Variants in LPP observed in about 807,000 individuals in gnomAD.
LPP encodes the protein lipoma-preferred partner.
In LPP, 38 loss-of-function variants were observed where a neutral mutation model predicts 60.4. The ratio of observed to expected loss-of-function variants is 0.63; its 90% confidence interval spans 0.49 to 0.83. The LOEUF (loss-of-function observed/expected upper bound fraction) is 0.83, where lower values mean the gene tolerates loss of function less well. Among genes scored for constraint, LPP ranks in the 40% least tolerant of loss-of-function variants. LPP has a pLI of 0.00. For missense variants in LPP, 902 were observed against 783.6 expected (o/e 1.15, Z -1.80); for synonymous variants, 328 against 290.8 (o/e 1.13, Z -1.30).
chr3:188,166,053 A>G (rs1719845207), intron 1 of LPP, among the ~76,000 whole-genome samples: 1 of 152,138 alleles, frequency 6.6e-6, no homozygotes, highest in South Asian at 2.1e-4. Context: ...CTGAATCTCT[A>G]ATTGCTGGAG....
At chr3:188,448,732 AGTCCTCTC>A (rs1795916031) in intron 4 of LPP, among the ~76,000 whole-genome samples, 1 of 152,198 alleles carries the variant, frequency 6.6e-6, no homozygotes, top group African/African-American at 2.4e-5. Context: ...GGCAAATGGT[AGTCCTCTC>A]CCAAACAACA....
At position 188,746,631 on chromosome 3, in the gene LPP, G is replaced by A. The variant is rs116167976; in HGVS notation, c.1241-13482G>A. The A allele has an allele frequency of 2.4e-3, 1,084 of 444,086 alleles. 13 individuals carry two copies. Among genetic ancestry groups the A allele is most frequent in the African/African-American group, 0.02 (990 of 49,718 alleles). The allele number at this position is 444,086 out of a possible 1,614,324, so 27.5% of individuals were successfully genotyped here. A position where few individuals can be genotyped will look rare whatever the true frequency, so the allele number is the denominator to read the frequency against. On this transcript the variant is annotated intron_variant, in intron 8 of 11. Coordinates refer to ENST00000617246, the MANE Select transcript of LPP (RefSeq NM_001375462.1). Reference sequence around the variant, plus strand: ...CTGATGCAAGAAACCGTTACTGAGCGTATCCATTTTTATGCAGTTTCTGTG... The same window carrying A: ...CTGATGCAAGAAACCGTTACTGAGCATATCCATTTTTATGCAGTTTCTGTG...
intron 9 of LPP, among the ~76,000 whole-genome samples, chr3:188,851,270 AT>A (rs1025410506): frequency 1.3e-5 from 2 of 152,192 alleles, no homozygotes; most frequent in African/African-American, 2.4e-5. Flanking sequence ...CTTTTTAACT[AT>A]TTTTTTGTAT....
At chr3:188,856,385 A>G (rs760111648) in intron 9 of LPP, among the ~76,000 whole-genome samples, 4 of 152,160 alleles carry the variant, frequency 2.6e-5, no homozygotes, top group Non-Finnish European at 5.9e-5. Context: ...TTGTGTATAT[A>G]TTTTATACTT....
intron 3 of LPP, among the ~76,000 whole-genome samples, chr3:188,359,733 T>C (rs1485703989): frequency 6.6e-6 from 1 of 152,190 alleles, no homozygotes; most frequent in Non-Finnish European, 1.5e-5. Flanking sequence ...ACTTGAGCTT[T>C]TCCCTTGTTC....
chr3:188,498,784 G>A (rs1185572067), intron 5 of LPP, among the ~76,000 whole-genome samples: 2 of 152,112 alleles, frequency 1.3e-5, no homozygotes, highest in Admixed American at 6.6e-5. Context: ...AACAGCACAC[G>A]AGTTCTGATT....
At chr3:188,435,947 T>C (rs536746467) in intron 4 of LPP, among the ~76,000 whole-genome samples, 19 of 152,316 alleles carry the variant, frequency 1.2e-4, no homozygotes. Context: ...ACCTGTTTCC[T>C]TGCCATAGAT....
At chr3:188,823,212 C>G (rs1044563279) in intron 9 of LPP, among the ~76,000 whole-genome samples, 1 of 151,992 alleles carries the variant, frequency 6.6e-6, no homozygotes, top group South Asian at 2.1e-4. Context: ...AATAACTTTC[C>G]CCTAGTAGCC....
At chr3:188,200,562 C>T (rs1482767937) in intron 1 of LPP, among the ~76,000 whole-genome samples, 1 of 152,200 alleles carries the variant, frequency 6.6e-6, no homozygotes, top group African/African-American at 2.4e-5. Flanking sequence ...TGATGGGGCA[C>T]TGGATTGGCC....
At chr3:188,733,495 A>ACT (rs917670823) in intron 8 of LPP, among the ~76,000 whole-genome samples, 2 of 151,680 alleles carry the variant, frequency 1.3e-5, no homozygotes, top group Non-Finnish European at 2.9e-5. Context: ...CTAACATGGT[A>ACT]CTCTCTCTCT....
At chr3:188,497,090 T>C (rs1004179133) in intron 5 of LPP, among the ~76,000 whole-genome samples, 1 of 152,132 alleles carries the variant, frequency 6.6e-6, no homozygotes, top group Non-Finnish European at 1.5e-5. Flanking sequence ...TGTGGTTTTT[T>C]TTGAAATAAA....
chr3:188,453,678 C>T (rs1797109442), intron 4 of LPP, among the ~76,000 whole-genome samples: 1 of 152,020 alleles, frequency 6.6e-6, no homozygotes, highest in South Asian at 2.1e-4. Context: ...AATATTTCTA[C>T]TTCCACAAAT....
chr3:188,272,281 A>G (rs930981429), intron 2 of LPP, among the ~76,000 whole-genome samples: 11 of 152,150 alleles, frequency 7.2e-5, no homozygotes, highest in Non-Finnish European at 1.6e-4. Context: ...TTGTCTGTTT[A>G]TGTTTCCTAT....
chr3:188,307,536 A>G (rs1310541706), intron 2 of LPP, among the ~76,000 whole-genome samples: 1 of 152,202 alleles, frequency 6.6e-6, no homozygotes, highest in African/African-American at 2.4e-5. Flanking sequence ...TCTGAAAATT[A>G]TGTGCATCTT....
At chr3:188,745,263 A>G (rs769043157) in intron 8 of LPP, among the ~76,000 whole-genome samples, 16 of 152,202 alleles carry the variant, frequency 1.1e-4, no homozygotes, top group Non-Finnish European at 1.9e-4. Flanking sequence ...GGTTTGACAT[A>G]CAGTGCCTGA....
chr3:188,760,433 T>TGCGC lies in LPP; in HGVS notation c.1410+152_1410+153insCGCG, dbSNP rs1553836276. 3.2e-4 allele frequency: 237 copies of TGCGC among 730,050 alleles called. No homozygotes were observed. The African/African-American group carries it at 4.1e-3, about 13-fold the overall frequency. The allele number at this position is 730,050 out of a possible 1,614,324, so 45.2% of individuals were successfully genotyped here. A position where few individuals can be genotyped will look rare whatever the true frequency, so the allele number is the denominator to read the frequency against. ...GGGTGTGTGTGTGTGTGTGTGTGTGTGTGCGTGCGCGCATGTAAATTAGCA... is the reference window on the plus strand; with the variant it reads ...GGGTGTGTGTGTGTGTGTGTGTGTGTGCGCGTGCGTGCGCGCATGTAAATTAGCA... On this transcript the variant is annotated intron_variant, in intron 9 of 11. Coordinates refer to ENST00000617246, the MANE Select transcript of LPP (RefSeq NM_001375462.1).
At chr3:188,171,350 C>G (rs1428962799) in intron 1 of LPP, among the ~76,000 whole-genome samples, 2 of 152,168 alleles carry the variant, frequency 1.3e-5, no homozygotes, top group Non-Finnish European at 2.9e-5. Flanking sequence ...GATTCATTTT[C>G]TTTTTATTGC....
At chr3:188,398,936 T>G (rs560270701) in intron 3 of LPP, among the ~76,000 whole-genome samples, 1 of 152,208 alleles carries the variant, frequency 6.6e-6, no homozygotes, top group African/African-American at 2.4e-5. Flanking sequence ...GGACTGTGCT[T>G]CCTCACTGAT....
intron 1 of LPP, among the ~76,000 whole-genome samples, chr3:188,203,369 AAT>A (rs1256153562): frequency 2.0e-5 from 2 of 102,238 alleles, no homozygotes; most frequent in Non-Finnish European, 3.4e-5. Context: ...TATTTATATA[AAT>A]ATATATTAAT....
Sources: allele counts gnomAD v4.1 joint callset (sites outside exome capture counted in the v4.1 genomes callset), GRCh38; gene constraint gnomAD v4.1.1; transcripts MANE v1.5; gene names NCBI Gene and HGNC (gene_info 2026-07-23, HGNC 2026-07-21).